SIRPB1: variants seen among roughly 807,000 people sequenced by gnomAD.
SIRPB1 encodes the protein signal regulatory protein beta 1, also known as signal-regulatory protein beta-1.
Under a neutral mutation model 34.1 loss-of-function variants are expected in SIRPB1, and 28 were observed. The ratio of observed to expected loss-of-function variants is 0.82; its 90% CI spans 0.61 to 1.12. The LOEUF (loss-of-function observed/expected upper bound fraction) is 1.12. SIRPB1 is among the 50% of genes most tolerant of loss of function. The pLI, the probability that SIRPB1 is intolerant of heterozygous loss-of-function variation, is 0.00. For missense variants in SIRPB1, 499 were observed against 507.0 expected (o/e 0.98, Z 0.15); for synonymous variants, 211 against 203.8 (o/e 1.04, Z -0.30).
At chr20:1,571,659 G>A (rs2091238521) in intron 3 of SIRPB1, 61 bp downstream of exon 3, 1 of 1,611,806 alleles carries the variant, frequency 6.2e-7, no homozygotes, top group South Asian at 1.1e-5. Flanking sequence ...TGGAGCCTGG[G>A]GAGAGGGGAG....
At position 1,577,770 on chromosome 20, in the gene SIRPB1, TA is replaced by T. The variant is rs535837370; in HGVS notation, c.433+567del. Among the ~76,000 whole-genome samples, 68 of 137,600 alleles carry T rather than the reference TA, an allele frequency of 4.9e-4. 2 individuals are homozygous for T. The highest frequency in any genetic ancestry group is 6.0e-4 in the East Asian group (3 of 4,992). The allele number at this position is 137,600 out of a possible 152,430, so 90.3% of individuals were successfully genotyped here. ...CGTGGGGTGTTTCTGAAGATTAAAT[TA>T]AAAAAAAAAACAACCACGATTTACC... is the stretch of plus-strand genomic sequence containing the variant. On this transcript the variant is annotated intron_variant, in intron 2 of 5. Transcript: ENST00000381605.
intron 4 of SIRPB1, among the ~76,000 whole-genome samples, chr20:1,566,666 C>G (rs2091141274): frequency 6.6e-6 from 1 of 152,122 alleles, no homozygotes; most frequent in Non-Finnish European, 1.5e-5. Context: ...CCTAGGGAAG[C>G]CCATCATTAT....
chr20:1,562,394 T>C lies in SIRPB1; in HGVS notation c.*3106A>G, dbSNP rs928966484. On this transcript the variant is annotated 3_prime_UTR_variant, in exon 6 of 6. Transcript: ENST00000381605. ...TTAAAAAAATTGACAGCCTATTATA[T>C]GGCAGACACAGTTCTGGCAACTGAG... 6.6e-6 allele frequency among the ~76,000 whole-genome samples: 1 copy of C among 152,176 alleles called. No homozygotes were observed. Among genetic ancestry groups the C allele is most frequent in the Non-Finnish European group, 1.5e-5 (1 of 68,030 alleles).
At position 1,572,817 on chromosome 20, in the gene SIRPB1, A is replaced by C. The variant is rs564903178; in HGVS notation, c.434-780T>G. Among the ~76,000 whole-genome samples the C allele has an allele frequency of 5.3e-5, 8 of 152,066 alleles. No homozygotes were observed. The South Asian group carries it at 1.7e-3, about 32-fold the overall frequency. The stretch of plus-strand genomic sequence containing the variant: ...AAGAGTTTGTAAGAGCATTGGAATC[A>C]CACCTGCTAAAGGTCAAGCCACAGG... On this transcript the variant is annotated intron_variant, in intron 2 of 5. Transcript: ENST00000381605.
In SIRPB1 at chr20:1,570,992, C is replaced by T. The variant is rs138084629; in HGVS notation, c.897G>A (p.Ser299=). 431 of 1,614,100 alleles carry T rather than the reference C, an allele frequency of 2.7e-4. No individual in the cohort carries two copies. The highest frequency in any genetic ancestry group is 1.2e-3 in the African/African-American group (90 of 75,008). ...NGNVSRTETA[S]TLIENKDGTY... ...TGCCATCCTTGTTCTCTATGAGGGT[C>T]GAAGCTGTTTCTGTCCGGGACACAT... The change falls in exon 4 of 6, where the codon TCG becomes TCA. Residue 299 remains serine, a synonymous_variant. Transcript: ENST00000381605.
At chr20:1,566,938 C>G (rs56045824) in intron 4 of SIRPB1, among the ~76,000 whole-genome samples, 1,905 of 152,228 alleles carry the variant, frequency 0.013, 26 homozygotes, top group Non-Finnish European at 0.02. Context: ...GGAAGGGCCT[C>G]AGACATCATC....
At chr20:1,581,958 T>C (rs2091396543) in intron 1 of SIRPB1, among the ~76,000 whole-genome samples, 1 of 48,802 alleles carries the variant, frequency 2.0e-5, no homozygotes, top group Admixed American at 1.4e-4. Flanking sequence ...TGATATAACA[T>C]TGGTAACACC....
rs2122239502 is a variant in SIRPB1, at chr20:1,581,598, T to A, written c.77-2904A>T. Among the ~76,000 whole-genome samples, 2 of 46,078 alleles carry A rather than the reference T, an allele frequency of 4.3e-5. 1 individual carries two copies. The highest frequency in any genetic ancestry group is 3.0e-4 in the African/African-American group (2 of 6,658). The allele number at this position is 46,078 out of a possible 152,430, so 30.2% of individuals were successfully genotyped here. On this transcript the variant is annotated intron_variant, in intron 1 of 5. Transcript: ENST00000381605. ...CTGCCCTACTTCTGTCTCTAGGAAC[T>A]GTGAGTATGCCTCTTCATATGAACT...
Position 1,611,556 on chromosome 20 carries a change from G to C in SIRPB1, c.76+8313C>G, listed in dbSNP as rs1316226971. ...GGAAGTGGCCTTCTTTCTGATTGTA[G>C]ATTAATTCCCGGCCTGGTCCAGCTC... On this transcript the variant is annotated intron_variant, in intron 1 of 5. Transcript: ENST00000381605. 3.9e-6 allele frequency: 4 copies of C among 1,033,954 alleles called. 1 individual carries two copies. The highest frequency in any genetic ancestry group is 4.0e-6 in the Non-Finnish European group (3 of 759,234). The allele number at this position is 1,033,954 out of a possible 1,614,324, so 64.0% of individuals were successfully genotyped here.
chr20:1,572,631 C>G (rs1391667829), intron 2 of SIRPB1, among the ~76,000 whole-genome samples: 44 of 151,986 alleles, frequency 2.9e-4, no homozygotes, highest in East Asian at 7.7e-4. Context: ...ATGCTTCCCC[C>G]AAAAAACACA....
chr20:1,570,576 A>T lies in SIRPB1; in HGVS notation c.1084+229T>A, dbSNP rs567871487. The T allele has an allele frequency of 5.2e-3, 2,278 of 437,914 alleles. 47 individuals are homozygous for T. The highest frequency in any genetic ancestry group is 0.041 in the African/African-American group (2,041 of 49,484). The allele number at this position is 437,914 out of a possible 1,614,324, so 27.1% of individuals were successfully genotyped here. The stretch of plus-strand genomic sequence containing the variant: ...AAATATCTATCAAGTTGTGCATCAG[A>T]CTTGACGCACAGTTTCTCCTGGTAG... On this transcript the variant is annotated intron_variant, in intron 4 of 5. Coordinates refer to ENST00000381605, the MANE Select transcript of SIRPB1 (RefSeq NM_006065.5).
At position 1,561,624 on chromosome 20, in the gene SIRPB1, T is replaced by TGATTA. The variant is rs1202598677; in HGVS notation, c.*3871_*3875dup. 6.6e-6 allele frequency among the ~76,000 whole-genome samples: 1 copy of TGATTA among 152,142 alleles called. No homozygotes were observed. Among genetic ancestry groups the TGATTA allele is most frequent in the Non-Finnish European group, 1.5e-5 (1 of 68,022 alleles). On this transcript the variant is annotated 3_prime_UTR_variant, in exon 6 of 6. Coordinates refer to ENST00000381605, the MANE Select transcript of SIRPB1 (RefSeq NM_006065.5). ...TGAAATTTGTCTGATGTTTTCCTCATGATTAGATTGGGGTTGTGAGTTTTG... is the reference window on the plus strand; with the variant it reads ...TGAAATTTGTCTGATGTTTTCCTCATGATTAGATTAGATTGGGGTTGTGAGTTTTG...
intron 3 of SIRPB1, 147 bp from the exon 4 acceptor site, chr20:1,571,284 GT>G: frequency 1.2e-6 from 1 of 853,164 alleles, no homozygotes; most frequent in South Asian, 1.8e-5. Context: ...GAGGGCACTC[GT>G]TGCATATGAG....
rs2122144648 is a variant in SIRPB1, at chr20:1,562,585, A to G, written c.*2915T>C. On this transcript the variant is annotated 3_prime_UTR_variant, in exon 6 of 6. Transcript: ENST00000381605. ...TCAGTCCCACAACACAAGTCTCAAA[A>G]TTTAGGTGCCATAGTAAATTTAATG... 6.6e-6 allele frequency among the ~76,000 whole-genome samples: 1 copy of G among 152,286 alleles called. No individual in the cohort carries two copies. Among genetic ancestry groups the G allele is most frequent in the East Asian group, 1.9e-4 (1 of 5,186 alleles).
chr20:1,572,107 T>C, intron 2 of SIRPB1, 70 bp from the exon 3 acceptor site: 1 of 1,605,184 alleles, frequency 6.2e-7, no homozygotes, highest in Non-Finnish European at 8.5e-7. Context: ...GCGTTTGACA[T>C]GTTAAGAACC....
intron 1 of SIRPB1, among the ~76,000 whole-genome samples, chr20:1,617,625 G>T (rs968757124): frequency 6.6e-6 from 1 of 152,058 alleles, no homozygotes; most frequent in Non-Finnish European, 1.5e-5. Flanking sequence ...TACAATATGG[G>T]GTCTAGAGTT....
chr20:1,615,197 C>T (rs2091612713), intron 1 of SIRPB1, among the ~76,000 whole-genome samples: 1 of 152,218 alleles, frequency 6.6e-6, no homozygotes, highest in Non-Finnish European at 1.5e-5. Context: ...AAAAGTATCT[C>T]TTCTCTGTAG....
chr20:1,588,648 A>T lies in SIRPB1; in HGVS notation c.77-9954T>A. The T allele has an allele frequency of 6.8e-6, 4 of 584,416 alleles. 1 individual carries two copies. The highest frequency in any genetic ancestry group is 9.0e-6 in the Non-Finnish European group (4 of 442,218). 36.2% of individuals were successfully genotyped at this position (584,416 alleles called of 1,614,324 possible). On this transcript the variant is annotated intron_variant, in intron 1 of 5. Transcript: ENST00000381605. Reference sequence around the variant, plus strand: ...GGACAGGCATCCTGGAGACCTCAGGAGCCTGCTCTGTTCAAACGTCTGTGG... The same window carrying T: ...GGACAGGCATCCTGGAGACCTCAGGTGCCTGCTCTGTTCAAACGTCTGTGG...
In SIRPB1 at chr20:1,597,684, T is replaced by C. The variant is rs964820906; in HGVS notation, c.77-18990A>G. On this transcript the variant is annotated intron_variant, in intron 1 of 5. Transcript: ENST00000381605. The stretch of plus-strand genomic sequence containing the variant: ...GGGAAAAAATATCCAAATTATATCA[T>C]ACGTATAAACAAAGAGGAAGGATAA... The C allele has an allele frequency of 1.4e-5, 4 of 281,632 alleles. 1 individual carries two copies. The highest frequency in any genetic ancestry group is 1.7e-5 in the Non-Finnish European group (4 of 241,872). 17.4% of individuals were successfully genotyped at this position (281,632 alleles called of 1,614,324 possible).
Sources: gnomAD v4.1 joint callset for allele counts (sites outside exome capture counted in the v4.1 genomes callset) on GRCh38, gnomAD v4.1.1 for gene constraint, MANE v1.5 for transcripts, NCBI Gene and HGNC (gene_info 2026-07-23, HGNC 2026-07-21) for gene names.